The following RABGEF1 variants were observed in gnomAD, a reference collection of about 807,000 sequenced individuals.
The protein encoded by RABGEF1 is rab5 GDP/GTP exchange factor.
A neutral mutation model predicts 57.3 loss-of-function variants in RABGEF1; 26 were observed. The observed-to-expected ratio is 0.45, with a 90% CI of 0.33 to 0.63. The LOEUF (loss-of-function observed/expected upper bound fraction) is 0.63, where lower values mean the gene tolerates loss of function less well. Among genes scored for constraint, RABGEF1 ranks in the 20% least tolerant of loss-of-function variants. The pLI, the probability that RABGEF1 is intolerant of heterozygous loss-of-function variation, is 0.02. For synonymous variants in RABGEF1, 185 were observed against 210.7 expected (o/e 0.88, Z 1.06); for missense variants, 464 against 607.6 (o/e 0.76, Z 2.48).
chr7:66,755,602 G>A (rs1802520880), intron 1 of RABGEF1, among the ~76,000 whole-genome samples: 1 of 152,196 alleles, frequency 6.6e-6, no homozygotes, highest in Admixed American at 6.5e-5. Flanking sequence ...GTAACTTAGT[G>A]AATAAATTGA....
At chr7:66,738,401 C>T (rs981941841), upstream of RABGEF1, among the ~76,000 whole-genome samples, 1 of 152,134 alleles carries the variant, frequency 6.6e-6, no homozygotes, top group Non-Finnish European at 1.5e-5. Context: ...CCTTTTCTGT[C>T]TTTAGCACCA....
rs190394856 is a variant in RABGEF1 at position 66,752,643 on chromosome 7, T to C, written c.-18+11851T>C. On this transcript the variant is annotated intron_variant, in intron 1 of 8. Transcript: ENST00000284957. ...GTGGTGTTTTCTTTATAGCAGTGGT[T>C]CTCAAAGGTAGTTCCTAGCAGTATC... is the stretch of plus-strand genomic sequence containing the variant. Among the ~76,000 whole-genome samples the C allele has an allele frequency of 5.9e-5, 9 of 152,352 alleles. No individual in the cohort carries two copies. The East Asian group carries it at 1.7e-3, about 29-fold the overall frequency.
At chr7:66,763,850 T>G (rs1305453638) in intron 1 of RABGEF1, among the ~76,000 whole-genome samples, 24 of 152,262 alleles carry the variant, frequency 1.6e-4, no homozygotes, top group Admixed American at 1.6e-3. Flanking sequence ...TTCCATTTTA[T>G]GGATATACCA....
chr7:66,706,630 C>T (rs542131586), intron 1 of RABGEF1, among the ~76,000 whole-genome samples: 3 of 151,796 alleles, frequency 2.0e-5, no homozygotes, highest in South Asian at 4.2e-4. Context: ...AGGATGGTCT[C>T]GATCTCCTGA....
chr7:66,717,060 T>C (rs1350704464), intron 2 of RABGEF1, among the ~76,000 whole-genome samples: 9 of 152,248 alleles, frequency 5.9e-5, no homozygotes, highest in Non-Finnish European at 1.2e-4. Flanking sequence ...ATTACAGGCG[T>C]GAGCCACTGC....
At chr7:66,681,168 G>T (rs193277392), upstream of RABGEF1, among the ~76,000 whole-genome samples, 73 of 152,262 alleles carry the variant, frequency 4.8e-4, 1 homozygote, top group Non-Finnish European at 3.8e-4. Flanking sequence ...TCCAACCCAG[G>T]TCTATCTAAG....
At chr7:66,682,944 G>A (rs147276785) in intron 1 of RABGEF1, among the ~76,000 whole-genome samples, 1 of 152,164 alleles carries the variant, frequency 6.6e-6, no homozygotes, top group African/African-American at 2.4e-5. Context: ...TGGAGGCTAG[G>A]TCATAGGCAG....
upstream of RABGEF1, among the ~76,000 whole-genome samples, chr7:66,680,998 G>A (rs1279467712): frequency 2.0e-5 from 3 of 152,024 alleles, no homozygotes; most frequent in Non-Finnish European, 2.9e-5. Flanking sequence ...TGGGAGAATC[G>A]CTTGAACCTA....
At chr7:66,728,903 C>G (rs1239263425) in intron 2 of RABGEF1, among the ~76,000 whole-genome samples, 1 of 121,918 alleles carries the variant, frequency 8.2e-6, no homozygotes, top group Non-Finnish European at 1.8e-5. Context: ...CTCACCTCCA[C>G]GCTCACCTGC....
the RABGEF1 span, among the ~76,000 whole-genome samples, chr7:66,675,329 C>T: frequency 2.6e-5 from 4 of 152,030 alleles, no homozygotes; most frequent in African/African-American, 9.7e-5. Flanking sequence ...ATTCGGGGGG[C>T]CGAGGCAGGA....
At chr7:66,795,318 A>C (rs148302516) in intron 4 of RABGEF1, among the ~76,000 whole-genome samples, 193 bp from the exon 5 acceptor site, 4 of 152,194 alleles carry the variant, frequency 2.6e-5, no homozygotes, top group African/African-American at 9.7e-5. Context: ...ACTAAGGAAA[A>C]GTCCGGCAAC....
At chr7:66,774,669 A>G (rs1808068831) in intron 2 of RABGEF1, among the ~76,000 whole-genome samples, 1 of 152,202 alleles carries the variant, frequency 6.6e-6, no homozygotes, top group Non-Finnish European at 1.5e-5. Flanking sequence ...CTGAGGGATG[A>G]GAATTGCTTG....
chr7:66,771,507 G>T (rs1489733626), intron 1 of RABGEF1, among the ~76,000 whole-genome samples: 1 of 152,144 alleles, frequency 6.6e-6, no homozygotes, highest in African/African-American at 2.4e-5. Context: ...TGCTTTTGGT[G>T]TCATATCCTA....
chr7:66,731,568 T>A (rs1262715645), intron 2 of RABGEF1, among the ~76,000 whole-genome samples: 1 of 151,380 alleles, frequency 6.6e-6, no homozygotes, highest in Admixed American at 6.6e-5. Context: ...AAAAAAAAAA[T>A]TAGCTGGGTA....
the RABGEF1 span, among the ~76,000 whole-genome samples, chr7:66,663,063 C>T: frequency 7.2e-5 from 11 of 152,328 alleles, no homozygotes; most frequent in Middle Eastern, 3.4e-3. Context: ...GGCGGAAAAC[C>T]GCTTAAAGGC....
Position 66,770,969 on chromosome 7 carries a change from T to G in RABGEF1, c.-17-914T>G, listed in dbSNP as rs569185549. 4.8e-4 allele frequency among the ~76,000 whole-genome samples: 73 copies of G among 151,684 alleles called. 1 individual carries two copies. The South Asian group carries it at 0.012, about 24-fold the overall frequency. ...CCATTTGTTAATCGGATTATTTGGG[T>G]TTGTTGTTGTTGTTGTTGTTGTTGT... On this transcript the variant is annotated intron_variant, in intron 1 of 8. Transcript: ENST00000284957.
At chr7:66,697,068 G>A (rs1792457119) in intron 1 of RABGEF1, among the ~76,000 whole-genome samples, 1 of 152,204 alleles carries the variant, frequency 6.6e-6, no homozygotes, top group Admixed American at 6.5e-5. Flanking sequence ...GCTGGGCACA[G>A]GTCCATCTTC....
At chr7:66,782,760 T>G (rs1810253566) in intron 3 of RABGEF1, among the ~76,000 whole-genome samples, 1 of 151,960 alleles carries the variant, frequency 6.6e-6, no homozygotes. Context: ...CACTCCAGCC[T>G]GGGCGACAGA....
intron 1 of RABGEF1, among the ~76,000 whole-genome samples, chr7:66,742,870 G>C (rs1799318948): frequency 6.6e-6 from 1 of 152,158 alleles, no homozygotes; most frequent in Non-Finnish European, 1.5e-5. Context: ...AGCGTCCCAA[G>C]TGCTGAAATT....
Sources: gnomAD v4.1 joint callset for allele counts (sites outside exome capture counted in the v4.1 genomes callset) on GRCh38, gnomAD v4.1.1 for gene constraint, MANE v1.5 for transcripts, NCBI Gene and HGNC (gene_info 2026-07-23, HGNC 2026-07-21) for gene names.